MAP2K5: variants seen among roughly 807,000 people sequenced by gnomAD.
The protein encoded by MAP2K5 is mitogen-activated protein kinase kinase 5.
A neutral mutation model predicts 83.1 loss-of-function variants in MAP2K5; 49 were observed. The ratio of observed to expected loss-of-function variants is 0.59; its 90% CI spans 0.47 to 0.75. The LOEUF (loss-of-function observed/expected upper bound fraction) is 0.75. MAP2K5 is among the 30% of genes least tolerant of loss of function. The probability of loss-of-function intolerance (pLI) is 0.00; values close to 1 mark genes in which losing one functional copy is unlikely to be tolerated. For missense variants in MAP2K5, 457 were observed against 557.5 expected (o/e 0.82, Z 1.82); for synonymous variants, 202 against 191.8 (o/e 1.05, Z -0.44).
chr15:67,678,330 T>G (rs1461802013), intron 13 of MAP2K5, among the ~76,000 whole-genome samples: 4 of 152,192 alleles, frequency 2.6e-5, no homozygotes, highest in African/African-American at 9.6e-5. Flanking sequence ...CTTCCTGGTA[T>G]TCACACAGTG....
In MAP2K5 at chr15:67,637,368, G is replaced by T. The variant is rs2086624735; in HGVS notation, c.585+6441G>T. Among the ~76,000 whole-genome samples the T allele has an allele frequency of 6.6e-6, 1 of 152,132 alleles. No individual in the cohort carries two copies. The highest frequency in any genetic ancestry group is 1.5e-5 in the Non-Finnish European group (1 of 68,020). ...TGATTCTTTCAAGGCTTGCTTTTAAGTTTTATTAGACAGTACCAGCCCAGT... is the reference window on the plus strand; with the variant it reads ...TGATTCTTTCAAGGCTTGCTTTTAATTTTTATTAGACAGTACCAGCCCAGT... On this transcript the variant is annotated intron_variant, in intron 9 of 21. Transcript: ENST00000178640. The surrounding 1 kb of genome is among the most constrained non-coding windows in gnomAD (Gnocchi z 4.5).
intron 16 of MAP2K5, among the ~76,000 whole-genome samples, chr15:67,725,214 C>G (rs2089062222): frequency 6.7e-6 from 1 of 149,332 alleles, no homozygotes; most frequent in South Asian, 2.2e-4. Context: ...TCTTACAGAG[C>G]AAACAAATAA....
At chr15:67,596,554 A>C (rs142805121) in intron 7 of MAP2K5, among the ~76,000 whole-genome samples, 1 of 152,360 alleles carries the variant, frequency 6.6e-6, no homozygotes, top group East Asian at 1.9e-4. Context: ...CTTACAGTTC[A>C]TCTTGGATTG....
intron 12 of MAP2K5, 123 bp downstream of exon 12, chr15:67,658,737 T>C: frequency 3.7e-6 from 3 of 804,108 alleles, no homozygotes; most frequent in African/African-American, 1.7e-5. Context: ...TAAGACCTTC[T>C]TGATTTTCTC....
chr15:67,591,867 TTTGGGA>T (rs2141012584), intron 6 of MAP2K5, among the ~76,000 whole-genome samples: 1 of 151,978 alleles, frequency 6.6e-6, no homozygotes, highest in South Asian at 2.1e-4. Context: ...ATCCCAGCAC[TTTGGGA>T]GGCCGAGGCG....
chr15:67,734,682 C>T (rs1441565980), intron 17 of MAP2K5, among the ~76,000 whole-genome samples: 1 of 152,030 alleles, frequency 6.6e-6, no homozygotes, highest in African/African-American at 2.4e-5. Flanking sequence ...TTACTGATCA[C>T]TCCTGGAATT....
chr15:67,750,257 G>C lies in MAP2K5; in HGVS notation c.1134+1656G>C, dbSNP rs558894752. On this transcript the variant is annotated intron_variant, in intron 19 of 21. Transcript: ENST00000178640. This position sits in a 1 kb window ranked among gnomAD's most constrained non-coding sequence, Gnocchi z 4.2. ...TTAGTCAAGAGAAAAATGTAACTTA[G>C]ACATATATTCCTGTTTACTCTAAAA... Among the ~76,000 whole-genome samples, 20 of 152,274 alleles carry C rather than the reference G, an allele frequency of 1.3e-4. No homozygotes were observed. The highest frequency in any genetic ancestry group is 4.8e-4 in the African/African-American group (20 of 41,556).
chr15:67,633,338 T>C (rs555114485), intron 9 of MAP2K5, among the ~76,000 whole-genome samples: 1 of 152,366 alleles, frequency 6.6e-6, no homozygotes, highest in African/African-American at 2.4e-5. Context: ...AACTCTAGGT[T>C]ATTTACTCCA....
intron 8 of MAP2K5, among the ~76,000 whole-genome samples, chr15:67,604,863 C>G (rs2085744838): frequency 6.6e-6 from 1 of 151,718 alleles, no homozygotes; most frequent in African/African-American, 2.4e-5. Context: ...GCACTGTACT[C>G]TAGCCTGGCA....
intron 4 of MAP2K5, among the ~76,000 whole-genome samples, chr15:67,584,206 G>A (rs1387909222): frequency 6.6e-6 from 1 of 152,184 alleles, no homozygotes; most frequent in Non-Finnish European, 1.5e-5. Context: ...TTCCTGACCC[G>A]ATAACTTTAG....
At chr15:67,787,716 A>G (rs1370097262) in intron 21 of MAP2K5, among the ~76,000 whole-genome samples, 1 of 152,258 alleles carries the variant, frequency 6.6e-6, no homozygotes, top group Non-Finnish European at 1.5e-5. Context: ...TATTGTAGTC[A>G]GGTGGATATC....
At chr15:67,789,798 G>A (rs1014202891) in intron 21 of MAP2K5, among the ~76,000 whole-genome samples, 3 of 151,278 alleles carry the variant, frequency 2.0e-5, no homozygotes, top group Admixed American at 6.6e-5. Context: ...TATGTTTGTT[G>A]GTCACATTTT....
chr15:67,711,422 T>C (rs538896210), intron 16 of MAP2K5, among the ~76,000 whole-genome samples: 1 of 152,266 alleles, frequency 6.6e-6, no homozygotes, highest in Non-Finnish European at 1.5e-5. Context: ...GGTAAATTAC[T>C]TAACTTCTCT....
chr15:67,550,760 T>G (rs1481981585), intron 2 of MAP2K5, among the ~76,000 whole-genome samples: 1 of 123,494 alleles, frequency 8.1e-6, no homozygotes, highest in Non-Finnish European at 1.6e-5. Flanking sequence ...TACTTTTTTC[T>G]TTTCTTTTTC....
At chr15:67,666,523 C>T (rs1419792580) in intron 13 of MAP2K5, among the ~76,000 whole-genome samples, 1 of 152,124 alleles carries the variant, frequency 6.6e-6, no homozygotes, top group East Asian at 1.9e-4. Flanking sequence ...ACTTCATGAT[C>T]ACTGTGGCCA....
intron 13 of MAP2K5, among the ~76,000 whole-genome samples, chr15:67,672,129 G>A (rs1313379856): frequency 6.6e-6 from 1 of 151,960 alleles, no homozygotes; most frequent in South Asian, 2.1e-4. Context: ...ACATATGTGT[G>A]CATGTGTCTT....
rs141298860 is a variant in MAP2K5, at chr15:67,583,335, A to C, written c.322+2512A>C. On this transcript the variant is annotated intron_variant, in intron 4 of 21. Transcript: ENST00000178640. ...TATGTTATGGGGAGAGGATACTTAA[A>C]GGAGGAAATTATATGAGATGTCATT... is the stretch of plus-strand genomic sequence containing the variant. 9.7e-3 allele frequency among the ~76,000 whole-genome samples: 1,480 copies of C among 152,284 alleles called. 30 individuals carry two copies. Among genetic ancestry groups the C allele is most frequent in the African/African-American group, 0.034 (1,417 of 41,542 alleles).
intron 8 of MAP2K5, among the ~76,000 whole-genome samples, chr15:67,618,909 G>C (rs1332925996): frequency 6.6e-6 from 1 of 152,112 alleles, no homozygotes; most frequent in Non-Finnish European, 1.5e-5. Flanking sequence ...TCACTCAGCA[G>C]CCAAAGTGAT....
chr15:67,625,806 C>T (rs1396800864), intron 8 of MAP2K5, among the ~76,000 whole-genome samples: 6 of 152,144 alleles, frequency 3.9e-5, no homozygotes, highest in Admixed American at 2.6e-4. Context: ...GATGAATTAG[C>T]GTGCATCATA....
Sources: allele counts gnomAD v4.1 joint callset (sites outside exome capture counted in the v4.1 genomes callset), GRCh38; gene constraint gnomAD v4.1.1; non-coding constraint Gnocchi (gnomAD v3.1); transcripts MANE v1.5; gene names NCBI Gene and HGNC (gene_info 2026-07-23, HGNC 2026-07-21).